PPM1G: variants seen among roughly 807,000 people sequenced by gnomAD.
PPM1G encodes protein phosphatase 1G.
Under a neutral mutation model 59.4 loss-of-function variants are expected in PPM1G, and 12 were observed. The ratio of observed to expected loss-of-function variants is 0.20; its 90% confidence interval spans 0.13 to 0.33. The LOEUF (loss-of-function observed/expected upper bound fraction) is 0.33, where lower values mean the gene tolerates loss of function less well. Among genes scored for constraint, PPM1G ranks in the 10% least tolerant of loss-of-function variants. PPM1G has a pLI of 1.00. For synonymous variants in PPM1G, 245 were observed against 251.9 expected (o/e 0.97, Z 0.26); for missense variants, 392 against 681.3 (o/e 0.58, Z 4.73).
chr2:27,397,468 T>C (rs1196897440), intron 1 of PPM1G, among the ~76,000 whole-genome samples: 1 of 152,034 alleles, frequency 6.6e-6, no homozygotes, highest in Non-Finnish European at 1.5e-5. Flanking sequence ...TCCAGCACCA[T>C]ATAAAAGGAT....
At chr2:27,409,200 T>A (rs1171599828) in intron 1 of PPM1G, 103 bp downstream of exon 1, 2 of 1,411,128 alleles carry the variant, frequency 1.4e-6, no homozygotes, top group Non-Finnish European at 1.9e-6. Context: ...GGCCGCAGGC[T>A]CCCAATTGGG....
At chr2:27,387,034 G>C in intron 2 of PPM1G, 55 bp downstream of exon 2, 1 of 1,401,126 alleles carries the variant, frequency 7.1e-7, no homozygotes. Flanking sequence ...TTCTTGCCCT[G>C]GAACGTCTGG....
Position 27,382,356 on chromosome 2 carries a change from T to C in PPM1G, c.1331+120A>G. On this transcript the variant is annotated intron_variant, in intron 8 of 9. Transcript: ENST00000344034. The surrounding 1 kb of genome is among the most constrained non-coding windows in gnomAD (Gnocchi z 4.2). ...ATTCTCAGCTCTGCCTTAGTCTGGGTGCTCTTCACCCACCAAGAGGCCTAG... is the reference window on the plus strand; with the variant it reads ...ATTCTCAGCTCTGCCTTAGTCTGGGCGCTCTTCACCCACCAAGAGGCCTAG... The C allele has an allele frequency of 6.4e-7, 1 of 1,557,260 alleles. No homozygotes were observed. Among genetic ancestry groups the C allele is most frequent in the Non-Finnish European group, 8.8e-7 (1 of 1,140,262 alleles).
intron 1 of PPM1G, among the ~76,000 whole-genome samples, chr2:27,398,630 T>C (rs556332318): frequency 1.3e-5 from 2 of 151,850 alleles, no homozygotes; most frequent in Non-Finnish European, 2.9e-5. Context: ...GAGACTATCC[T>C]GGCCAACATG....
At position 27,388,284 on chromosome 2, in the gene PPM1G, C is replaced by T. The variant is rs566053882; in HGVS notation, c.121-1126G>A. Among the ~76,000 whole-genome samples, 6 of 151,648 alleles carry T rather than the reference C, an allele frequency of 4.0e-5. No individual in the cohort carries two copies. The South Asian group carries it at 1.3e-3, about 32-fold the overall frequency. ...ATTAGCCAGGCGTGGTGGTGTGCGC[C>T]CGTAGTCCCAGCTACTCGGAAGGGT... On this transcript the variant is annotated intron_variant, in intron 1 of 9. Coordinates refer to ENST00000344034, the MANE Select transcript of PPM1G (RefSeq NM_177983.3).
At chr2:27,391,564 A>G (rs1226299086) in intron 1 of PPM1G, among the ~76,000 whole-genome samples, 1 of 152,092 alleles carries the variant, frequency 6.6e-6, no homozygotes, top group Admixed American at 6.6e-5. Flanking sequence ...GATTTTGGAT[A>G]TTAGACTTTT....
Position 27,393,327 on chromosome 2 carries a change from T to C in PPM1G, c.121-6169A>G, listed in dbSNP as rs548039348. The C allele has an allele frequency of 4.3e-5, 69 of 1,597,650 alleles. 2 individuals are homozygous for C. The South Asian group carries it at 7.1e-4, about 17-fold the overall frequency. On this transcript the variant is annotated intron_variant, in intron 1 of 9. Transcript: ENST00000344034. The stretch of plus-strand genomic sequence containing the variant: ...GTTGATGGCGGCCTCTGAGTCTTGG[T>C]GGTAGTTCTGGCGCACCTGCGAGGT...
rs1683656437 is a variant in PPM1G, at chr2:27,382,430, G to A, written c.1331+46C>T. The A allele has an allele frequency of 6.2e-7, 1 of 1,611,500 alleles. No homozygotes were observed. The highest frequency in any genetic ancestry group is 1.3e-5 in the African/African-American group (1 of 74,840). On this transcript the variant is annotated intron_variant, in intron 8 of 9. Coordinates refer to ENST00000344034, the MANE Select transcript of PPM1G (RefSeq NM_177983.3). The surrounding 1 kb of genome is among the most constrained non-coding windows in gnomAD (Gnocchi z 4.2). ...AGGTGCCCTGAGTCCTATAAGAGAA[G>A]ACATGCTGCAGAAAGGGGAATTTAG...
chr2:27,391,934 G>A (rs982176591), intron 1 of PPM1G, among the ~76,000 whole-genome samples: 8 of 151,888 alleles, frequency 5.3e-5, no homozygotes, highest in African/African-American at 1.9e-4. Context: ...GTTTCACCAT[G>A]TTGGCCAGGA....
rs1397649909 is a variant in PPM1G, at chr2:27,409,580, G to C, written c.-158C>G. 5.2e-6 allele frequency: 5 copies of C among 961,050 alleles called. No individual in the cohort carries two copies. In the East Asian group the frequency reaches 1.7e-4, roughly 33 times the overall value. The allele number at this position is 961,050 out of a possible 1,614,324, so 59.5% of individuals were successfully genotyped here. A position where few individuals can be genotyped will look rare whatever the true frequency, so the allele number is the denominator to read the frequency against. ...GAGGCCGGCCAGGAGGCGGTAACGG[G>C]ACGGGAGCTGTGAGGGAGCGGAAGC... On this transcript the variant is annotated 5_prime_UTR_variant, in exon 1 of 10. Transcript: ENST00000344034.
At chr2:27,404,980 A>G (rs190919149) in intron 1 of PPM1G, among the ~76,000 whole-genome samples, 1 of 150,900 alleles carries the variant, frequency 6.6e-6, no homozygotes, top group African/African-American at 2.4e-5. Context: ...ACATCAACTG[A>G]ATCTATTTTC....
intron 1 of PPM1G, among the ~76,000 whole-genome samples, chr2:27,404,837 G>A (rs62131866): frequency 0.067 from 10,195 of 151,122 alleles, 435 homozygotes; most frequent in African/African-American, 0.12. Context: ...CCAGCTACTC[G>A]GGAAGCTGAG....
intron 1 of PPM1G, among the ~76,000 whole-genome samples, chr2:27,392,427 C>T (rs1271144): frequency 0.47 from 71,332 of 150,934 alleles, 18,527 homozygotes; most frequent in African/African-American, 0.69. Flanking sequence ...CCCAAGTAGC[C>T]GGGATTACAG....
chr2:27,402,947 T>C (rs1040291521), intron 1 of PPM1G, among the ~76,000 whole-genome samples: 7 of 148,798 alleles, frequency 4.7e-5, no homozygotes, highest in Non-Finnish European at 7.4e-5. Context: ...TAGCCAGTCA[T>C]GGTGGCATGT....
At position 27,382,379 on chromosome 2, in the gene PPM1G, T is replaced by G; in HGVS notation, c.1331+97A>C. The stretch of plus-strand genomic sequence containing the variant: ...GGTGCTCTTCACCCACCAAGAGGCC[T>G]AGGTCTGCCTAGGCTCTAATCCTAG... On this transcript the variant is annotated intron_variant, in intron 8 of 9. Coordinates refer to ENST00000344034, the MANE Select transcript of PPM1G (RefSeq NM_177983.3). This position sits in a 1 kb window ranked among gnomAD's most constrained non-coding sequence, Gnocchi z 4.2. The G allele has an allele frequency of 6.3e-7, 1 of 1,577,726 alleles. No homozygotes were observed. Among genetic ancestry groups the G allele is most frequent in the Non-Finnish European group, 8.6e-7 (1 of 1,159,134 alleles).
chr2:27,388,671 C>G (rs1297400147), intron 1 of PPM1G, among the ~76,000 whole-genome samples: 3 of 151,866 alleles, frequency 2.0e-5, no homozygotes, highest in Admixed American at 2.0e-4. Flanking sequence ...GTCAGGAGAT[C>G]GAGACCATCC....
Position 27,383,982 on chromosome 2 carries a change from C to T in PPM1G, c.936G>A (p.Met312Ile). The change falls in exon 6 of 10, where the codon ATG becomes ATA. Residue 312 changes from methionine to isoleucine, a missense_variant. Met to Ile is a conservative substitution (Grantham distance 10). Around this residue, in one of 6 missense-constraint regions of PPM1G, gnomAD observed 188 missense variants for 248.8 expected, o/e 0.76. Transcript: ENST00000344034. This position sits in a 1 kb window ranked among gnomAD's most constrained non-coding sequence, Gnocchi z 5.0. Reference protein sequence around the residue: ...EEDDEEEEEEMMVPGMEGKEE... With the variant: ...EEDDEEEEEEIMVPGMEGKEE... ...CTTTGCCTTCCATCCCTGGCACCAT[C>T]ATCTCTTCTTCTTCTTCTTCATCGT... is the stretch of plus-strand genomic sequence containing the variant. 6.4e-7 allele frequency: 1 copy of T among 1,558,166 alleles called. No individual in the cohort carries two copies. Among genetic ancestry groups the T allele is most frequent in the African/African-American group, 1.4e-5 (1 of 73,402 alleles).
rs768939799 is a variant in PPM1G, at chr2:27,383,351, T to G, written c.1201+15A>C. On this transcript the variant is annotated intron_variant, in intron 7 of 9. Transcript: ENST00000344034. This position sits in a 1 kb window ranked among gnomAD's most constrained non-coding sequence, Gnocchi z 5.0. ...GAAAGACCCTAGAAGTCTTTCCCAG[T>G]TTCTTGGCCCTTACCAATGGCTCTG... 1.9e-6 allele frequency: 3 copies of G among 1,609,134 alleles called. No homozygotes were observed. The East Asian group carries it at 6.7e-5, about 36-fold the overall frequency.
At chr2:27,400,214 C>T (rs555839189) in intron 1 of PPM1G, among the ~76,000 whole-genome samples, 54 of 151,998 alleles carry the variant, frequency 3.6e-4, no homozygotes, top group Non-Finnish European at 6.3e-4. Flanking sequence ...CTGGGCAACA[C>T]AGCGAAATCT....
Sources: allele counts gnomAD v4.1 joint callset (sites outside exome capture counted in the v4.1 genomes callset), GRCh38; gene constraint gnomAD v4.1.1; regional missense constraint gnomAD v4.1.1; non-coding constraint Gnocchi (gnomAD v3.1); transcripts MANE v1.5; gene names NCBI Gene and HGNC (gene_info 2026-07-23, HGNC 2026-07-21).